ENPEP: variants seen among roughly 807,000 people sequenced by gnomAD.
ENPEP encodes the protein glutamyl aminopeptidase.
In ENPEP, 103 loss-of-function variants were observed where a neutral mutation model predicts 114.5. That is an observed-to-expected ratio of 0.90 (90% CI 0.77 to 1.06). ENPEP has a LOEUF of 1.06. Ranked by LOEUF, ENPEP falls within the 50% of genes least tolerant of loss-of-function variation. The pLI, the probability that ENPEP is intolerant of heterozygous loss-of-function variation, is 0.00. For synonymous variants in ENPEP, 420 were observed against 422.0 expected, an observed-to-expected ratio of 1.00 and a Z score of 0.06; for missense variants, 1,196 against 1,161.3, an observed-to-expected ratio of 1.03 and a Z score of -0.43.
chr4:110,490,059 C>T (rs1724646508), intron 2 of ENPEP, among the ~76,000 whole-genome samples: 2 of 152,142 alleles, frequency 1.3e-5, no homozygotes, highest in African/African-American at 4.8e-5. Flanking sequence ...ACACACCAAT[C>T]TAGATGAAGG....
chr4:110,540,265 T>C (rs549801898), intron 11 of ENPEP, among the ~76,000 whole-genome samples: 2 of 152,148 alleles, frequency 1.3e-5, no homozygotes, highest in South Asian at 4.1e-4. Context: ...ATATTTGTTG[T>C]GTGTTTGTGC....
Position 110,526,720 on chromosome 4 carries a change from A to G in ENPEP, c.1728-4478A>G, listed in dbSNP as rs142600417. 9.1e-3 allele frequency among the ~76,000 whole-genome samples: 1,390 copies of G among 152,288 alleles called. 14 individuals carry two copies. Among genetic ancestry groups the G allele is most frequent in the African/African-American group, 0.032 (1,339 of 41,574 alleles). Reference sequence around the variant, plus strand: ...TGCTGCACTGTGGAGAACTGATCACAGATCCTGGGCAGTTGGGGAGGAGTG... The same window carrying G: ...TGCTGCACTGTGGAGAACTGATCACGGATCCTGGGCAGTTGGGGAGGAGTG... On this transcript the variant is annotated intron_variant, in intron 10 of 19. Transcript: ENST00000265162.
chr4:110,544,766 G>A (rs893469454), intron 13 of ENPEP, among the ~76,000 whole-genome samples: 9 of 152,216 alleles, frequency 5.9e-5, no homozygotes, highest in African/African-American at 1.9e-4. Context: ...TGAAGTGAAA[G>A]AAAGCCTCTT....
At chr4:110,490,961 GTTTA>G (rs776774161) in intron 2 of ENPEP, 68 bp from the exon 3 acceptor site, 20 of 1,492,574 alleles carry the variant, frequency 1.3e-5, no homozygotes, top group Non-Finnish European at 1.7e-5. Context: ...TGGGGCAACC[GTTTA>G]TTTGTTTGTC....
rs1393015206 is a variant in ENPEP, at chr4:110,563,955, T to C, written c.*2397T>C. 6.6e-6 allele frequency: 1 copy of C among 151,988 alleles called. No homozygotes were observed. The highest frequency in any genetic ancestry group is 2.4e-5 in the African/African-American group (1 of 41,348). The allele number at this position is 151,988 out of a possible 1,614,324, so 9.4% of individuals were successfully genotyped here. On this transcript the variant is annotated 3_prime_UTR_variant, in exon 20 of 20. Transcript: ENST00000265162. The stretch of plus-strand genomic sequence containing the variant: ...AGTTGGTGAAGTGTTAGTCCAAAAG[T>C]AGAAACAACAGAGTAGGGGCAAAAA...
intron 1 of ENPEP, among the ~76,000 whole-genome samples, chr4:110,480,259 A>C (rs987599442): frequency 6.6e-6 from 1 of 152,224 alleles, no homozygotes; most frequent in African/African-American, 2.4e-5. Flanking sequence ...ATTTAGGCTA[A>C]ATGGAATACT....
At chr4:110,493,832 T>C (rs1724817059) in intron 3 of ENPEP, among the ~76,000 whole-genome samples, 1 of 152,162 alleles carries the variant, frequency 6.6e-6, no homozygotes, top group Non-Finnish European at 1.5e-5. Flanking sequence ...TATTGAAATG[T>C]AACATCAGAG....
At chr4:110,501,743 A>G (rs114665029) in intron 3 of ENPEP, among the ~76,000 whole-genome samples, 2,240 of 152,248 alleles carry the variant, frequency 0.015, 61 homozygotes, top group African/African-American at 0.051. Flanking sequence ...GCTGTGATGA[A>G]CGTATGGAGG....
chr4:110,493,090 G>A (rs1486816800), intron 3 of ENPEP, among the ~76,000 whole-genome samples: 2 of 152,198 alleles, frequency 1.3e-5, no homozygotes, highest in African/African-American at 4.8e-5. Flanking sequence ...AATAGTGACA[G>A]TGAGCTTGAA....
At chr4:110,539,088 G>T (rs760950003) in intron 11 of ENPEP, among the ~76,000 whole-genome samples, 2 of 152,166 alleles carry the variant, frequency 1.3e-5, no homozygotes, top group Non-Finnish European at 2.9e-5. Context: ...TTGAAATATT[G>T]CAAGAATGAT....
chr4:110,550,003 T>G (rs1453513514), intron 17 of ENPEP, 117 bp downstream of exon 17: 7 of 1,032,138 alleles, frequency 6.8e-6, no homozygotes, highest in Non-Finnish European at 9.5e-6. Context: ...CCATTAAAAG[T>G]TATTTTCCCT....
In ENPEP at chr4:110,513,436, G is replaced by A; in HGVS notation, c.1330G>A (p.Asp444Asn). 1 of 1,610,934 alleles carries A rather than the reference G, an allele frequency of 6.2e-7. No homozygotes were observed. Among genetic ancestry groups the A allele is most frequent in the South Asian group, 1.1e-5 (1 of 90,486 alleles). The change falls in exon 7 of 20, where the codon GAT (aspartate) becomes AAT (asparagine). Residue 444 changes from aspartate to asparagine, a missense_variant. Physicochemically the swap from Asp to Asn is conservative, Grantham distance 23 (BLOSUM62 1). Transcript: ENST00000265162. Reference protein sequence around the residue: ...WQMRDQMLLEDVLPVQEDDSL... With the variant: ...WQMRDQMLLENVLPVQEDDSL... The stretch of plus-strand genomic sequence containing the variant: ...TCAGCGTGACCAAATGTTACTTGAA[G>A]ATGTATTACCTGTTCAAGAGGATGA...
intron 3 of ENPEP, among the ~76,000 whole-genome samples, chr4:110,495,143 A>G (rs572372664): frequency 6.6e-6 from 1 of 152,354 alleles, no homozygotes; most frequent in South Asian, 2.1e-4. Flanking sequence ...TTCAGCACAA[A>G]GTTCCCCATT....
In ENPEP at chr4:110,491,148, C is replaced by A. The variant is rs1448533095; in HGVS notation, c.902C>A (p.Ser301Ter). 96 of 1,603,466 alleles carry A rather than the reference C, an allele frequency of 6.0e-5. No individual in the cohort carries two copies. In the East Asian group the frequency reaches 2.1e-3, roughly 35 times the overall value. ...CAATTTGACTCTGTAAAGAGAATAT[C>A]AAATAGTGGAAAACCTGTGAGTCTC... is the stretch of plus-strand genomic sequence containing the variant. ...VHQFDSVKRISNSGKPLTIYV... is the reference protein window; with the variant it reads ...VHQFDSVKRI Residue 301 changes from serine to a stop codon, truncating the protein, a stop_gained, in exon 3 of 20, where the codon TCA (serine) becomes TAA (stop). Coordinates refer to ENST00000265162, the MANE Select transcript of ENPEP (RefSeq NM_001977.4). LOFTEE classifies it high-confidence loss of function.
chr4:110,523,951 C>T (rs1726100522), intron 10 of ENPEP, among the ~76,000 whole-genome samples: 1 of 152,066 alleles, frequency 6.6e-6, no homozygotes, highest in African/African-American at 2.4e-5. Context: ...ACCAGTACTC[C>T]AGTGGATATC....
intron 1 of ENPEP, among the ~76,000 whole-genome samples, chr4:110,486,956 T>C (rs1724528531): frequency 6.6e-6 from 1 of 152,096 alleles, no homozygotes; most frequent in Non-Finnish European, 1.5e-5. Flanking sequence ...GAGTGCTGAT[T>C]GGTCAAGTTG....
rs1560572493 is a variant in ENPEP at position 110,558,290 on chromosome 4, AT to A, written c.2643-1356del. 9.7e-5 allele frequency among the ~76,000 whole-genome samples: 13 copies of A among 134,478 alleles called. No homozygotes were observed. The East Asian group carries it at 2.7e-3, about 28-fold the overall frequency. The allele number at this position is 134,478 out of a possible 152,430, so 88.2% of individuals were successfully genotyped here. On this transcript the variant is annotated intron_variant, in intron 18 of 19. Transcript: ENST00000265162. ...AAAAATTATATATATATATATATAT[AT>A]ATAAATTTTTTTTTGAGACAAGGTC...
intron 1 of ENPEP, among the ~76,000 whole-genome samples, chr4:110,484,465 T>C (rs1317015690): frequency 6.6e-6 from 1 of 152,026 alleles, no homozygotes; most frequent in Admixed American, 6.6e-5. Context: ...TTCGGGTTGA[T>C]GAATGTCACT....
chr4:110,518,114 C>T (rs1471304512), intron 8 of ENPEP, among the ~76,000 whole-genome samples: 2 of 152,174 alleles, frequency 1.3e-5, no homozygotes, highest in African/African-American at 4.8e-5. Flanking sequence ...TGCTCATCAC[C>T]TTGCCCCAAA....
Sources: allele counts gnomAD v4.1 joint callset (sites outside exome capture counted in the v4.1 genomes callset), GRCh38; gene constraint gnomAD v4.1.1; transcripts MANE v1.5; gene names NCBI Gene and HGNC (gene_info 2026-07-23, HGNC 2026-07-21).